The following NPVF variants were observed in gnomAD, a reference collection of about 807,000 sequenced individuals.
NPVF encodes the protein neuropeptide VF precursor.
In NPVF, 17 loss-of-function variants were observed where a neutral mutation model predicts 15.7. That is an observed-to-expected ratio of 1.08 (90% CI 0.74 to 1.62). NPVF has a LOEUF of 1.62. Among genes scored for constraint, NPVF ranks in the 40% most tolerant of loss-of-function variants. NPVF has a pLI of 0.00. For missense variants in NPVF, 270 were observed against 225.2 expected (o/e 1.20, Z -1.27); for synonymous variants, 70 against 80.1 (o/e 0.87, Z 0.67).
rs200857217 is a variant in NPVF, at chr7:25,224,900, CT to C, written c.*221del. The C allele has an allele frequency of 5.3e-4, 260 of 488,500 alleles. No homozygotes were observed. The highest frequency in any genetic ancestry group is 8.2e-4 in the South Asian group (24 of 29,134). The allele number at this position is 488,500 out of a possible 1,614,324, so 30.3% of individuals were successfully genotyped here. On this transcript the variant is annotated 3_prime_UTR_variant, in exon 3 of 3. Coordinates refer to ENST00000222674, the MANE Select transcript of NPVF (RefSeq NM_022150.3). ...AGAGATTTCTAAAGCATTTGCAATG[CT>C]TTTTTTTTATTCAGACAAAAATCAT...
chr7:25,226,106 T>G (rs1783124874), intron 2 of NPVF, among the ~76,000 whole-genome samples: 1 of 152,216 alleles, frequency 6.6e-6, no homozygotes, highest in Non-Finnish European at 1.5e-5. Flanking sequence ...TTTTTAAATC[T>G]TACATTCTGA....
chr7:25,225,494 G>C (rs1436018010), intron 2 of NPVF, among the ~76,000 whole-genome samples: 1 of 152,228 alleles, frequency 6.6e-6, no homozygotes, highest in Non-Finnish European at 1.5e-5. Context: ...GACGCCCCAA[G>C]TCCTTGTCCG....
intron 1 of NPVF, among the ~76,000 whole-genome samples, chr7:25,228,064 G>C (rs1783153173): frequency 6.6e-6 from 1 of 152,086 alleles, no homozygotes; most frequent in Admixed American, 6.6e-5. Flanking sequence ...AATTATTAAT[G>C]CGCTGTATGC....
Position 25,225,067 on chromosome 7 carries a change from T to C in NPVF, c.*55A>G, listed in dbSNP as rs1254470721. ...AGCTACTCTTCCGTGTGGTCTTCGC[T>C]ATAGAGCCATTTGTAGATTACAGGC... On this transcript the variant is annotated 3_prime_UTR_variant, in exon 3 of 3. Transcript: ENST00000222674. The C allele has an allele frequency of 1.3e-6, 2 of 1,496,320 alleles. No homozygotes were observed. The highest frequency in any genetic ancestry group is 1.9e-6 in the Non-Finnish European group (2 of 1,079,274). The allele number at this position is 1,496,320 out of a possible 1,614,324, so 92.7% of individuals were successfully genotyped here. A position where few individuals can be genotyped will look rare whatever the true frequency, so the allele number is the denominator to read the frequency against.
rs184020280 is a variant in NPVF, at chr7:25,225,552, T to G, written c.540-379A>C. The stretch of plus-strand genomic sequence containing the variant: ...TGCTCTTACTCTAACGGTCTAGACT[T>G]CTTTCCTCTCTTCTTCACATCCTTT... On this transcript the variant is annotated intron_variant, in intron 2 of 2. Coordinates refer to ENST00000222674, the MANE Select transcript of NPVF (RefSeq NM_022150.3). Among the ~76,000 whole-genome samples the G allele has an allele frequency of 4.2e-4, 64 of 152,352 alleles. No homozygotes were observed. The East Asian group carries it at 0.011, about 25-fold the overall frequency.
intron 1 of NPVF, 49 bp from the exon 2 acceptor site, chr7:25,227,075 C>T: frequency 6.9e-7 from 1 of 1,447,848 alleles, no homozygotes; most frequent in East Asian, 2.3e-5. Context: ...TTATAAGCAA[C>T]AGATTTAAAC....
chr7:25,227,683 C>A (rs1221125748), intron 1 of NPVF, among the ~76,000 whole-genome samples: 2 of 152,188 alleles, frequency 1.3e-5, no homozygotes, highest in African/African-American at 4.8e-5. Context: ...TTGTAGGAAC[C>A]ATCTCAAATA....
chr7:25,225,395 C>T (rs193288370), intron 2 of NPVF, among the ~76,000 whole-genome samples: 7 of 152,326 alleles, frequency 4.6e-5, no homozygotes, highest in South Asian at 4.1e-4. Context: ...CGCCCCACTC[C>T]CAACATCTGA....
chr7:25,228,134 C>T (rs975151143), intron 1 of NPVF, among the ~76,000 whole-genome samples, 168 bp downstream of exon 1: 7 of 152,236 alleles, frequency 4.6e-5, no homozygotes, highest in Admixed American at 1.3e-4. Context: ...TGATTGCTGT[C>T]GTGCTAAATA....
intron 1 of NPVF, among the ~76,000 whole-genome samples, chr7:25,228,000 A>G (rs1583441437): frequency 6.6e-6 from 1 of 152,300 alleles, no homozygotes; most frequent in East Asian, 1.9e-4. Flanking sequence ...AATGTACCCA[A>G]ATCTTATTTC....
chr7:25,227,410 A>G (rs1046851372), intron 1 of NPVF, among the ~76,000 whole-genome samples: 1 of 152,126 alleles, frequency 6.6e-6, no homozygotes, highest in African/African-American at 2.4e-5. Flanking sequence ...TTGATTTTAG[A>G]GAAACCTCCC....
chr7:25,226,351 A>C (rs926813967), intron 2 of NPVF, among the ~76,000 whole-genome samples: 9 of 152,160 alleles, frequency 5.9e-5, no homozygotes, highest in Non-Finnish European at 1.3e-4. Flanking sequence ...CATTGCATGG[A>C]CTTAGTGAGC....
chr7:25,224,974 GATACTATT>G lies in NPVF; in HGVS notation c.*140_*147del. 1 of 543,190 alleles carries G rather than the reference GATACTATT, an allele frequency of 1.8e-6. No homozygotes were observed. The highest frequency in any genetic ancestry group is 3.3e-6 in the Non-Finnish European group (1 of 304,386). 33.6% of individuals were successfully genotyped at this position (543,190 alleles called of 1,614,324 possible). Reference sequence around the variant, plus strand: ...GCTTTAATTTTTTTACAACTTTCAAGATACTATTATAGCTGTACTGACAAGGAAAAATT... The same window carrying G: ...GCTTTAATTTTTTTACAACTTTCAAGATAGCTGTACTGACAAGGAAAAATT... On this transcript the variant is annotated 3_prime_UTR_variant, in exon 3 of 3. Transcript: ENST00000222674.
At position 25,228,353 on chromosome 7, in the gene NPVF, T is replaced by C. The variant is rs1243203434; in HGVS notation, c.87A>G (p.Glu29=). 1 of 1,547,380 alleles carries C rather than the reference T, an allele frequency of 6.5e-7. No individual in the cohort carries two copies. Among genetic ancestry groups the C allele is most frequent in the Non-Finnish European group, 8.9e-7 (1 of 1,120,252 alleles). Residue 29 remains glutamate (E), a synonymous_variant, in exon 1 of 3, where the codon GAA becomes GAG. Coordinates refer to ENST00000222674, the MANE Select transcript of NPVF (RefSeq NM_022150.3). ...LLTSNIFCAD[E]LVMSNLHSKE... is the part of the protein sequence containing the mutation. ...TGCTGTGAAGATTGGACATCACTAA[T>C]TCATCTGCACAAAAAATGTTTGATG... is the stretch of plus-strand genomic sequence containing the variant.
At position 25,226,813 on chromosome 7, in the gene NPVF, C is replaced by A. The variant is rs755922496; in HGVS notation, c.352G>T (p.Val118Leu). ...LPLRSGRNME[V>L]SLVRRVPNLP... ...TTAGGAACACGTCTCACGAGGCTCACCTCCATATTTCTTCCAGATCTCAGA... is the reference window on the plus strand; with the variant it reads ...TTAGGAACACGTCTCACGAGGCTCAACTCCATATTTCTTCCAGATCTCAGA... Residue 118 changes from valine to leucine, a missense_variant, in exon 2 of 3, where the codon GTG becomes TTG. Val to Leu is a conservative substitution (Grantham distance 32). Coordinates refer to ENST00000222674, the MANE Select transcript of NPVF (RefSeq NM_022150.3). 6.2e-7 allele frequency: 1 copy of A among 1,614,132 alleles called. No homozygotes were observed. The highest frequency in any genetic ancestry group is 2.2e-5 in the East Asian group (1 of 44,868).
Position 25,228,343 on chromosome 7 carries a change from AC to A in NPVF, c.96del (p.Met32IlefsTer31), listed in dbSNP as rs1239643804. On this transcript the variant is annotated frameshift_variant, in exon 1 of 3. Transcript: ENST00000222674. LOFTEE classifies it high-confidence loss of function. Reference sequence around the variant, plus strand: ...TAATTTTCTTTGCTGTGAAGATTGGACATCACTAATTCATCTGCACAAAAAA... The same window carrying A: ...TAATTTTCTTTGCTGTGAAGATTGGAATCACTAATTCATCTGCACAAAAAA... The part of the protein sequence containing the change: ...SNIFCADELV[M>X]SNLHSKENYD... 1 of 1,534,728 alleles carries A rather than the reference AC, an allele frequency of 6.5e-7. No homozygotes were observed. Among genetic ancestry groups the A allele is most frequent in the Non-Finnish European group, 9.0e-7 (1 of 1,109,264 alleles).
In NPVF at chr7:25,224,976, T is replaced by C. The variant is rs1309681684; in HGVS notation, c.*146A>G. ...TTTAATTTTTTTACAACTTTCAAGA[T>C]ACTATTATAGCTGTACTGACAAGGA... On this transcript the variant is annotated 3_prime_UTR_variant, in exon 3 of 3. Transcript: ENST00000222674. The C allele has an allele frequency of 5.4e-6, 3 of 551,706 alleles. No individual in the cohort carries two copies. Among genetic ancestry groups the C allele is most frequent in the Non-Finnish European group, 9.7e-6 (3 of 309,252 alleles). 34.2% of individuals were successfully genotyped at this position (551,706 alleles called of 1,614,324 possible).
chr7:25,226,577 C>T, intron 2 of NPVF, 49 bp downstream of exon 2: 1 of 1,559,344 alleles, frequency 6.4e-7, no homozygotes, highest in Non-Finnish European at 8.7e-7. Flanking sequence ...GTTTCTAGAC[C>T]ACCTCTATAT....
intron 2 of NPVF, among the ~76,000 whole-genome samples, chr7:25,225,909 T>TG (rs5882966): frequency 1 from 152,215 of 152,232 alleles, 76,099 homozygotes; most frequent in Middle Eastern, 1. Flanking sequence ...ATATGTCAGA[T>TG]GGGATAAGTA....
Sources: allele counts gnomAD v4.1 joint callset (sites outside exome capture counted in the v4.1 genomes callset), GRCh38; gene constraint gnomAD v4.1.1; transcripts MANE v1.5; gene names NCBI Gene and HGNC (gene_info 2026-07-23, HGNC 2026-07-21).